The following PABPC4 variants were observed in gnomAD, a reference collection of about 807,000 sequenced individuals.
The protein encoded by PABPC4 is poly(A) binding protein cytoplasmic 4.
PABPC4 carries 15 observed loss-of-function variants against 74.5 expected under a neutral mutation model. The ratio of observed to expected loss-of-function variants is 0.20; its 90% CI spans 0.13 to 0.31. The LOEUF (loss-of-function observed/expected upper bound fraction) is 0.31, where lower values mean the gene tolerates loss of function less well. Ranked by LOEUF, PABPC4 falls within the 10% of genes least tolerant of loss-of-function variation. The probability of loss-of-function intolerance (pLI) is 1.00; values close to 1 mark genes in which losing one functional copy is unlikely to be tolerated. For missense variants in PABPC4, 610 were observed against 853.5 expected (o/e 0.71, Z 3.55); for synonymous variants, 345 against 303.0 (o/e 1.14, Z -1.44).
In PABPC4 at chr1:39,576,030, G is replaced by A. The variant is rs1646021183; in HGVS notation, c.-79C>T. ...GCCGCAGGACAAAGGGGCGCCTTCG[G>A]AGCCCGGGCCCGCGCCGCGGCTCAC... On this transcript the variant is annotated 5_prime_UTR_variant, in exon 1 of 16. Coordinates refer to ENST00000372858, the MANE Select transcript of PABPC4 (RefSeq NM_001135653.2). 6.7e-6 allele frequency: 7 copies of A among 1,045,268 alleles called. No individual in the cohort carries two copies. Among genetic ancestry groups the A allele is most frequent in the South Asian group, 1.9e-5 (1 of 52,502 alleles). The allele number at this position is 1,045,268 out of a possible 1,614,324, so 64.7% of individuals were successfully genotyped here. A position where few individuals can be genotyped will look rare whatever the true frequency, so the allele number is the denominator to read the frequency against.
At chr1:39,566,831 G>A (rs916847254) in intron 7 of PABPC4, among the ~76,000 whole-genome samples, 1 of 152,140 alleles carries the variant, frequency 6.6e-6, no homozygotes, top group Admixed American at 6.5e-5. Flanking sequence ...CAAGGGGGGG[G>A]TCATAGCAAA....
chr1:39,565,040 C>T, intron 8 of PABPC4, 66 bp downstream of exon 8: 1 of 1,551,672 alleles, frequency 6.4e-7, no homozygotes, highest in Non-Finnish European at 8.8e-7. Context: ...AATCCCTCTC[C>T]CCAACCACTG....
chr1:39,575,229 GA>G lies in PABPC4; in HGVS notation c.193+529del. ...TTGTGGCACTAACCTAAGTCTCTGC[GA>G]AAGTTTAACGCACAGAAACCTTCCC... On this transcript the variant is annotated intron_variant, in intron 1 of 15. Coordinates refer to ENST00000372858, the MANE Select transcript of PABPC4 (RefSeq NM_001135653.2). Among the ~76,000 whole-genome samples, 3 of 152,314 alleles carry G rather than the reference GA, an allele frequency of 2.0e-5. 1 individual carries two copies. The South Asian group carries it at 6.2e-4, about 32-fold the overall frequency.
Position 39,576,233 on chromosome 1 carries a change from TC to T in PABPC4, c.-283del, listed in dbSNP as rs1414607087. ...CGGTCCTGGTGCGAAGCTCCAAATT[TC>T]AAAAAATCAAAGTAGGAAAAAAATT... On this transcript the variant is annotated 5_prime_UTR_variant, in exon 1 of 16. Transcript: ENST00000372858. The T allele has an allele frequency of 5.7e-6, 2 of 350,004 alleles. No homozygotes were observed. The highest frequency in any genetic ancestry group is 4.2e-5 in the African/African-American group (2 of 47,416). The allele number at this position is 350,004 out of a possible 1,614,324, so 21.7% of individuals were successfully genotyped here. A position where few individuals can be genotyped will look rare whatever the true frequency, so the allele number is the denominator to read the frequency against.
chr1:39,568,809 C>G lies in PABPC4; in HGVS notation c.869G>C (p.Arg290Pro). ...GGGCCAAGACCACCTTACCTGATAT[C>G]GACTAATTCTCTCCTGTTTCAACTG... ...FEQLKQERISRYQGVNLYIKN... is the reference protein window; with the variant it reads ...FEQLKQERISPYQGVNLYIKN... The change falls in exon 6 of 16, where the codon CGA (arginine) becomes CCA (proline). Residue 290 changes from arginine (R) to proline (P), a missense_variant. By Grantham distance (103) the Arg-to-Pro change is moderately radical. This residue lies in a region of PABPC4 where 304 missense variants were observed against 478.9 expected (regional missense o/e 0.63). Transcript: ENST00000372858. 6.2e-7 allele frequency: 1 copy of G among 1,613,136 alleles called. No homozygotes were observed. The highest frequency in any genetic ancestry group is 8.5e-7 in the Non-Finnish European group (1 of 1,179,740).
chr1:39,573,114 G>A (rs1227212057), intron 1 of PABPC4: 1 of 151,590 alleles, frequency 6.6e-6, no homozygotes, highest in Non-Finnish European at 1.5e-5. Flanking sequence ...AAGTCATTTA[G>A]TCTGCAATCC....
At position 39,572,540 on chromosome 1, in the gene PABPC4, C is replaced by T; in HGVS notation, c.240G>A (p.Lys80=). 1.2e-6 allele frequency: 2 copies of T among 1,614,116 alleles called. No individual in the cohort carries two copies. The highest frequency in any genetic ancestry group is 1.7e-6 in the Non-Finnish European group (2 of 1,179,988). Reference sequence around the variant, plus strand: ...TCTGAGACCACATGATGCGGATTGGCTTTCCCTTAATCACATCAAAGTTCA... The same window carrying T: ...TCTGAGACCACATGATGCGGATTGGTTTTCCCTTAATCACATCAAAGTTCA... The part of the protein sequence containing the change: ...DTMNFDVIKG[K]PIRIMWSQRD... The change falls in exon 2 of 16, where the codon AAG becomes AAA. Residue 80 remains lysine, a synonymous_variant. Transcript: ENST00000372858.
rs369591874 is a variant in PABPC4, at chr1:39,575,916, G to A, written c.36C>T (p.Ser12=). 2 of 1,608,674 alleles carry A rather than the reference G, an allele frequency of 1.2e-6. No individual in the cohort carries two copies. Among genetic ancestry groups the A allele is most frequent in the Non-Finnish European group, 1.7e-6 (2 of 1,177,602 alleles). Residue 12 remains serine, a synonymous_variant, in exon 1 of 16, where the codon TCC becomes TCT. Coordinates refer to ENST00000372858, the MANE Select transcript of PABPC4 (RefSeq NM_001135653.2). The part of the protein sequence containing the change: ...NAAASSYPMA[S]LYVGDLHSDV... The stretch of plus-strand genomic sequence containing the variant: ...CCGAATGCAGGTCGCCCACGTACAG[G>A]GAGGCCATGGGGTAGCTGCTGGCCG...
intron 2 of PABPC4, 111 bp downstream of exon 2, chr1:39,572,282 G>C: frequency 1.1e-5 from 9 of 847,964 alleles, no homozygotes; most frequent in Non-Finnish European, 1.4e-5. Context: ...CCAGCATTTT[G>C]AAAATTCCCA....
At chr1:39,572,761 A>G (rs914482727) in intron 1 of PABPC4, 175 bp from the exon 2 acceptor site, 33 of 526,762 alleles carry the variant, frequency 6.3e-5, no homozygotes, top group Non-Finnish European at 1.0e-4. Flanking sequence ...TAAGGGAAGC[A>G]TAAGTTCCAG....
At chr1:39,565,799 G>C (rs1320913550) in intron 7 of PABPC4, among the ~76,000 whole-genome samples, 1 of 152,002 alleles carries the variant, frequency 6.6e-6, no homozygotes, top group African/African-American at 2.4e-5. Flanking sequence ...CTGCACTCCA[G>C]CCTGGGCGAC....
In PABPC4 at chr1:39,576,495, C is replaced by G. The variant is rs1646028438; in HGVS notation, c.-544G>C. 6.7e-6 allele frequency: 1 copy of G among 149,820 alleles called. No individual in the cohort carries two copies. The highest frequency in any genetic ancestry group is 1.8e-4 in the South Asian group (1 of 5,538). 9.3% of individuals were successfully genotyped at this position (149,820 alleles called of 1,614,324 possible). A position where few individuals can be genotyped will look rare whatever the true frequency, so the allele number is the denominator to read the frequency against. On this transcript the variant is annotated 5_prime_UTR_variant, in exon 1 of 16. Transcript: ENST00000372858. ...GTGGTGCGCCGGGGCAGGCGCGGGGCGCGGGGCTCGGGGCCCGAGCGGGGG... is the reference window on the plus strand; with the variant it reads ...GTGGTGCGCCGGGGCAGGCGCGGGGGGCGGGGCTCGGGGCCCGAGCGGGGG...
In PABPC4 at chr1:39,576,131, G is replaced by A. The variant is rs949907015; in HGVS notation, c.-180C>T. On this transcript the variant is annotated 5_prime_UTR_variant, in exon 1 of 16. Coordinates refer to ENST00000372858, the MANE Select transcript of PABPC4 (RefSeq NM_001135653.2). ...GGGACGGAAACGGGAGGCGGGGGCC[G>A]GCTCCCACGGCCGCAGCACCGCAGA... 2 of 515,140 alleles carry A rather than the reference G, an allele frequency of 3.9e-6. No individual in the cohort carries two copies. The highest frequency in any genetic ancestry group is 2.6e-5 in the South Asian group (1 of 38,244). 31.9% of individuals were successfully genotyped at this position (515,140 alleles called of 1,614,324 possible).
Position 39,562,058 on chromosome 1 carries a change from T to C in PABPC4, c.1893+15A>G, listed in dbSNP as rs1645776087. 6.2e-7 allele frequency: 1 copy of C among 1,611,672 alleles called. No individual in the cohort carries two copies. Among genetic ancestry groups the C allele is most frequent in the Non-Finnish European group, 8.5e-7 (1 of 1,179,450 alleles). ...AGCTGAGAACTGAAGCTGCAGGGTC[T>C]GAGCCCCAGCTCACCTTGGAGCGGA... On this transcript the variant is annotated intron_variant, in intron 14 of 15. Transcript: ENST00000372858.
chr1:39,574,208 T>TGACAA (rs1191553478), intron 1 of PABPC4, among the ~76,000 whole-genome samples: 5 of 152,184 alleles, frequency 3.3e-5, no homozygotes, highest in Admixed American at 6.5e-5. Flanking sequence ...AAAGGGGAGA[T>TGACAA]GACAAGACCG....
chr1:39,570,864 A>C (rs111346300), intron 3 of PABPC4, among the ~76,000 whole-genome samples: 1 of 152,248 alleles, frequency 6.6e-6, no homozygotes. Context: ...CCAAGGTCAC[A>C]CTGCTAGTAT....
chr1:39,565,368 T>C lies in PABPC4; in HGVS notation c.983A>G (p.Glu328Gly). 6.2e-7 allele frequency: 1 copy of C among 1,610,894 alleles called. No individual in the cohort carries two copies. Among genetic ancestry groups the C allele is most frequent in the African/African-American group, 1.3e-5 (1 of 74,978 alleles). Reference sequence around the variant, plus strand: ...GCCAAACCCTTTGCTTCTTCCATCCTCCAGCATTACCTACAAAATGAGACC... The same window carrying C: ...GCCAAACCCTTTGCTTCTTCCATCCCCCAGCATTACCTACAAAATGAGACC... ...GSITSAKVMLEDGRSKGFGFV... is the reference protein window; with the variant it reads ...GSITSAKVMLGDGRSKGFGFV... The change falls in exon 8 of 16, where the codon GAG becomes GGG. Residue 328 changes from glutamate to glycine, a missense_variant. By Grantham distance (98) the Glu-to-Gly change is moderately conservative. Around this residue, in one of 4 missense-constraint regions of PABPC4, gnomAD observed 304 missense variants for 478.9 expected, o/e 0.63. Coordinates refer to ENST00000372858, the MANE Select transcript of PABPC4 (RefSeq NM_001135653.2).
chr1:39,564,801 C>T, intron 8 of PABPC4, 28 bp from the exon 9 acceptor site: 1 of 1,552,208 alleles, frequency 6.4e-7, no homozygotes, highest in Non-Finnish European at 8.9e-7. Flanking sequence ...ACCCAAACAC[C>T]CCCTTAAGGA....
At chr1:39,562,006 C>G (rs1645775395) in intron 14 of PABPC4, 67 bp downstream of exon 14, 2 of 1,564,038 alleles carry the variant, frequency 1.3e-6, no homozygotes, top group South Asian at 2.4e-5. Flanking sequence ...TGCACCTGGG[C>G]ATCCAAGTTT....
Sources: gnomAD v4.1 joint callset for allele counts (sites outside exome capture counted in the v4.1 genomes callset) on GRCh38, gnomAD v4.1.1 for gene constraint, gnomAD v4.1.1 regional missense constraint, MANE v1.5 for transcripts, NCBI Gene and HGNC (gene_info 2026-07-23, HGNC 2026-07-21) for gene names.